The following ATP8B1 variants were observed in gnomAD, a reference collection of about 807,000 sequenced individuals.
ATP8B1 encodes ATPase phospholipid transporting 8B1.
Under a neutral mutation model 149.9 loss-of-function variants are expected in ATP8B1, and 80 were observed. The observed-to-expected ratio is 0.53, with a 90% confidence interval of 0.45 to 0.64. The LOEUF is 0.64. Ranked by LOEUF, ATP8B1 falls within the 30% of genes least tolerant of loss-of-function variation. The pLI is 0.00. For missense variants in ATP8B1, 1,247 were observed against 1,552.6 expected, an observed-to-expected ratio of 0.80 and a Z score of 3.31; for synonymous variants, 536 against 562.8, an observed-to-expected ratio of 0.95 and a Z score of 0.67.
chr18:57,681,443 G>A (rs1911964776), intron 15 of ATP8B1, among the ~76,000 whole-genome samples: 1 of 152,098 alleles, frequency 6.6e-6, no homozygotes, highest in African/African-American at 2.4e-5. Flanking sequence ...CTACAGAACC[G>A]TAAGCTAATG....
At chr18:57,657,974 G>A (rs1208229016) in intron 22 of ATP8B1, among the ~76,000 whole-genome samples, 1 of 152,128 alleles carries the variant, frequency 6.6e-6, no homozygotes, top group East Asian at 1.9e-4. Context: ...TGCGGTGTTA[G>A]GTGCCTCACT....
At chr18:57,689,376 G>A (rs1343405113) in intron 12 of ATP8B1, among the ~76,000 whole-genome samples, 2 of 152,124 alleles carry the variant, frequency 1.3e-5, no homozygotes, top group East Asian at 1.9e-4. Context: ...TAAGGTTATA[G>A]AATATCCAAA....
Position 57,757,686 on chromosome 18 carries a change from C to T in ATP8B1, c.-25-25854G>A, listed in dbSNP as rs58544463. On this transcript the variant is annotated intron_variant, in intron 1 of 27. Coordinates refer to ENST00000648908, the MANE Select transcript of ATP8B1 (RefSeq NM_001374385.1). ...ATGTTCCTTCTTTCTCAGTGAGAAC[C>T]CTGGCTCTCCAAAACAATAACTCAT... Among the ~76,000 whole-genome samples, 888 of 152,276 alleles carry T rather than the reference C, an allele frequency of 5.8e-3. 13 individuals carry two copies. The highest frequency in any genetic ancestry group is 0.02 in the African/African-American group (841 of 41,568).
intron 12 of ATP8B1, among the ~76,000 whole-genome samples, chr18:57,690,217 G>C (rs1255462873): frequency 2.0e-5 from 3 of 152,212 alleles, no homozygotes; most frequent in African/African-American, 7.2e-5. Context: ...GCCCCTGGCA[G>C]AGAAAAGAGC....
intron 2 of ATP8B1, among the ~76,000 whole-genome samples, chr18:57,727,433 C>T (rs2079719643): frequency 6.6e-6 from 1 of 152,144 alleles, no homozygotes; most frequent in Admixed American, 6.6e-5. Context: ...TTGGTTCCAA[C>T]TAAATATTAA....
chr18:57,712,665 C>A (rs144512701), intron 2 of ATP8B1, among the ~76,000 whole-genome samples: 2,774 of 152,142 alleles, frequency 0.018, 35 homozygotes, highest in Non-Finnish European at 0.028. Context: ...TACTGAGACA[C>A]CAGCCAGAGC....
At chr18:57,755,009 A>T (rs1276768459) in intron 1 of ATP8B1, among the ~76,000 whole-genome samples, 1 of 152,212 alleles carries the variant, frequency 6.6e-6, no homozygotes, top group African/African-American at 2.4e-5. Context: ...GGAATTTTTC[A>T]GAATGATAAA....
intron 1 of ATP8B1, among the ~76,000 whole-genome samples, chr18:57,794,018 A>G (rs1385612157): frequency 6.6e-6 from 1 of 152,238 alleles, no homozygotes; most frequent in Non-Finnish European, 1.5e-5. Context: ...CAAATAAAGT[A>G]TCAGATCGCC....
intron 11 of ATP8B1, among the ~76,000 whole-genome samples, chr18:57,693,327 A>G (rs1165907736): frequency 6.6e-6 from 1 of 152,196 alleles, no homozygotes; most frequent in Non-Finnish European, 1.5e-5. Flanking sequence ...CTTCCTCCGA[A>G]GGCCGGCTTG....
intron 23 of ATP8B1, among the ~76,000 whole-genome samples, chr18:57,654,886 C>T (rs1223412182): frequency 6.6e-6 from 1 of 151,522 alleles, no homozygotes; most frequent in South Asian, 2.1e-4. Flanking sequence ...CAGGTTTCAC[C>T]ATGTCGGCCA....
chr18:57,673,535 T>TATCATGTA (rs1345797087), intron 16 of ATP8B1, among the ~76,000 whole-genome samples: 3 of 152,064 alleles, frequency 2.0e-5, no homozygotes, highest in African/African-American at 7.2e-5. Flanking sequence ...TTTCTTTTTT[T>TATCATGTA]ATCATGTAAT....
At chr18:57,739,690 G>A (rs569057383) in intron 1 of ATP8B1, among the ~76,000 whole-genome samples, 40 of 152,300 alleles carry the variant, frequency 2.6e-4, no homozygotes, top group African/African-American at 8.4e-4. Context: ...GACTAGGGAT[G>A]AAAGATTGAG....
intron 1 of ATP8B1, among the ~76,000 whole-genome samples, chr18:57,756,937 G>A (rs551021265): frequency 3.3e-5 from 5 of 152,036 alleles, no homozygotes; most frequent in African/African-American, 4.8e-5. Context: ...TTAAGACATC[G>A]CAAATGTCCC....
chr18:57,780,251 A>G (rs879486301), intron 1 of ATP8B1, among the ~76,000 whole-genome samples: 2 of 152,234 alleles, frequency 1.3e-5, no homozygotes, highest in Non-Finnish European at 2.9e-5. Flanking sequence ...AGGATTAAAA[A>G]ATATCCAACT....
chr18:57,673,622 A>ATG (rs755090983), intron 16 of ATP8B1, among the ~76,000 whole-genome samples: 1 of 151,614 alleles, frequency 6.6e-6, no homozygotes, highest in Non-Finnish European at 1.5e-5. Flanking sequence ...GTACATATAT[A>ATG]TGTGTGTATA....
chr18:57,669,193 G>A, intron 18 of ATP8B1, 125 bp downstream of exon 18: 1 of 992,552 alleles, frequency 1.0e-6, no homozygotes, highest in Non-Finnish European at 1.5e-6. Flanking sequence ...CTTCCATTGT[G>A]CCAGTGTCAA....
chr18:57,740,604 C>G (rs181321064), intron 1 of ATP8B1: 3 of 91,258 alleles, frequency 3.3e-5, no homozygotes, highest in African/African-American at 4.5e-5. Context: ...GATTCAAGTT[C>G]TTGCTCTGTC....
intron 22 of ATP8B1, 138 bp downstream of exon 22, chr18:57,661,036 T>C: frequency 8.2e-7 from 1 of 1,214,796 alleles, no homozygotes; most frequent in Non-Finnish European, 1.2e-6. Context: ...TTGTCATGGT[T>C]AAGTGACTTT....
At chr18:57,733,705 C>CAAAA (rs141146206) in intron 1 of ATP8B1, among the ~76,000 whole-genome samples, 2 of 95,176 alleles carry the variant, frequency 2.1e-5, no homozygotes, top group African/African-American at 8.0e-5. Flanking sequence ...GACTCCATCT[C>CAAAA]AAAAAAAAAA....
Sources: gnomAD v4.1 joint callset for allele counts (sites outside exome capture counted in the v4.1 genomes callset) on GRCh38, gnomAD v4.1.1 for gene constraint, MANE v1.5 for transcripts, NCBI Gene and HGNC (gene_info 2026-07-23, HGNC 2026-07-21) for gene names.